FUT8: variants seen among roughly 807,000 people sequenced by gnomAD.
The protein encoded by FUT8 is fucosyltransferase 8, also known as alpha-(1,6)-fucosyltransferase.
In FUT8, 29 loss-of-function variants were observed where a neutral mutation model predicts 71.3. The ratio of observed to expected loss-of-function variants is 0.41; its 90% CI spans 0.30 to 0.55. The LOEUF is 0.55. Ranked by LOEUF, FUT8 falls within the 20% of genes least tolerant of loss-of-function variation. FUT8 has a pLI of 0.34. For synonymous variants in FUT8, 254 were observed against 239.3 expected (o/e 1.06, Z -0.57); for missense variants, 544 against 702.1 (o/e 0.77, Z 2.55).
chr14:65,480,964 A>G (rs2066321621), intron 2 of FUT8, among the ~76,000 whole-genome samples: 1 of 152,188 alleles, frequency 6.6e-6, no homozygotes, highest in Non-Finnish European at 1.5e-5. Context: ...TGCTAGAATT[A>G]TAGGCATGAC....
chr14:65,445,331 C>G (rs2065722723), intron 1 of FUT8, among the ~76,000 whole-genome samples: 1 of 152,218 alleles, frequency 6.6e-6, no homozygotes, highest in Non-Finnish European at 1.5e-5. Context: ...AAGATCCTCA[C>G]CAGATGCTGG....
At chr14:65,680,544 T>C (rs1196277180) in intron 7 of FUT8, among the ~76,000 whole-genome samples, 1 of 152,248 alleles carries the variant, frequency 6.6e-6, no homozygotes, top group Non-Finnish European at 1.5e-5. Context: ...TCAGCTGCTC[T>C]ATTTGTGTCT....
Position 65,663,005 on chromosome 14 carries a change from A to G in FUT8, c.598-6238A>G, listed in dbSNP as rs532290180. ...TGAGTCTGACTTTTAAGTAGATCCC[A>G]TATATAAAAATCTCATATTATAAAA... On this transcript the variant is annotated intron_variant, in intron 6 of 10. Coordinates refer to ENST00000673929, the MANE Select transcript of FUT8 (RefSeq NM_001371533.1). Among the ~76,000 whole-genome samples the G allele has an allele frequency of 3.9e-5, 6 of 152,264 alleles. No homozygotes were observed. In the South Asian group the frequency reaches 1.2e-3, roughly 32 times the overall value.
At chr14:65,369,546 T>C in the FUT8 span, among the ~76,000 whole-genome samples, 3 of 152,086 alleles carry the variant, frequency 2.0e-5, no homozygotes, top group Non-Finnish European at 4.4e-5. The surrounding 1 kb of genome is among the most constrained non-coding windows in gnomAD (Gnocchi z 4.6). Context: ...GATAAAAGGG[T>C]GCGGTAAGGA....
intron 2 of FUT8, among the ~76,000 whole-genome samples, chr14:65,554,838 T>G (rs1200935187): frequency 6.6e-6 from 1 of 152,200 alleles, no homozygotes; most frequent in Non-Finnish European, 1.5e-5. Flanking sequence ...GTTCATATTC[T>G]TTGTAACTTT....
At chr14:65,670,408 A>T (rs2140374851) in intron 7 of FUT8, among the ~76,000 whole-genome samples, 1 of 152,260 alleles carries the variant, frequency 6.6e-6, no homozygotes, top group Non-Finnish European at 1.5e-5. Context: ...CTTAGTACTG[A>T]TATATGAACT....
intron 1 of FUT8, among the ~76,000 whole-genome samples, chr14:65,442,772 T>A (rs897146062): frequency 9.4e-5 from 14 of 148,718 alleles, no homozygotes; most frequent in African/African-American, 3.5e-4. Context: ...GGAGGCAGAG[T>A]TTGCAGTGAG....
chr14:65,411,896 G>C (rs544822790), upstream of FUT8: 271 of 375,868 alleles, frequency 7.2e-4, no homozygotes, highest in Non-Finnish European at 1.1e-3. Flanking sequence ...GGCGCGCTCC[G>C]GTCCTCCCGC....
the FUT8 span, among the ~76,000 whole-genome samples, chr14:65,372,286 A>G: frequency 6.6e-6 from 1 of 152,186 alleles, no homozygotes; most frequent in African/African-American, 2.4e-5. Context: ...TCCTCTATGT[A>G]TCTTCCAACG....
chr14:65,678,246 A>G (rs778088100), intron 7 of FUT8, among the ~76,000 whole-genome samples: 3 of 152,206 alleles, frequency 2.0e-5, no homozygotes, highest in Non-Finnish European at 4.4e-5. Flanking sequence ...TGAAACTCAG[A>G]GCTACTTGAT....
intron 2 of FUT8, among the ~76,000 whole-genome samples, chr14:65,531,847 C>G (rs973694224): frequency 1.3e-5 from 2 of 152,126 alleles, no homozygotes; most frequent in Non-Finnish European, 2.9e-5. Flanking sequence ...ATTTAGCTCC[C>G]ACTTATAAGT....
At chr14:65,429,840 GATA>G (rs2065443032) in intron 1 of FUT8, among the ~76,000 whole-genome samples, 1 of 122,738 alleles carries the variant, frequency 8.1e-6, no homozygotes. Flanking sequence ...CTCCAGCCTG[GATA>G]GTAGAGTGAG....
the FUT8 span, among the ~76,000 whole-genome samples, chr14:65,386,145 C>A: frequency 7.0e-6 from 1 of 142,290 alleles, no homozygotes; most frequent in South Asian, 2.5e-4. Flanking sequence ...GAGTAAGACT[C>A]CATCTAAAAA....
At chr14:65,424,357 G>T (rs1264003854) in intron 1 of FUT8, among the ~76,000 whole-genome samples, 1 of 152,008 alleles carries the variant, frequency 6.6e-6, no homozygotes, top group Non-Finnish European at 1.5e-5. Context: ...TTGAGACAGG[G>T]TTTCTCTCAG....
intron 9 of FUT8, among the ~76,000 whole-genome samples, chr14:65,729,087 G>A (rs1289595573): frequency 1.5e-5 from 2 of 129,616 alleles, no homozygotes; most frequent in African/African-American, 3.0e-5. Context: ...ATGCGTTGGT[G>A]CAAGCATGGC....
chr14:65,672,907 C>T (rs1050183928), intron 7 of FUT8, among the ~76,000 whole-genome samples: 6 of 152,132 alleles, frequency 3.9e-5, no homozygotes, highest in African/African-American at 7.2e-5. Flanking sequence ...ATTCAGTTCC[C>T]CACTTCAATC....
intron 6 of FUT8, among the ~76,000 whole-genome samples, chr14:65,630,186 C>G (rs1890110841): frequency 6.6e-6 from 1 of 152,126 alleles, no homozygotes; most frequent in African/African-American, 2.4e-5. Context: ...GGCTTGGAAA[C>G]AGATTACAGA....
chr14:65,446,931 G>A (rs554394471), intron 1 of FUT8, among the ~76,000 whole-genome samples: 89 of 152,100 alleles, frequency 5.9e-4, no homozygotes, highest in Non-Finnish European at 1.1e-3. Flanking sequence ...AGCTTCCTGA[G>A]TAACTGGGAC....
At chr14:65,393,506 G>A in the FUT8 span, among the ~76,000 whole-genome samples, 1 of 152,214 alleles carries the variant, frequency 6.6e-6, no homozygotes, top group African/African-American at 2.4e-5. Flanking sequence ...GACAAAGATA[G>A]TGAGTGGGCT....
Sources: gnomAD v4.1 joint callset for allele counts (sites outside exome capture counted in the v4.1 genomes callset) on GRCh38, gnomAD v4.1.1 for gene constraint, Gnocchi (gnomAD v3.1) non-coding constraint, MANE v1.5 for transcripts, NCBI Gene and HGNC (gene_info 2026-07-23, HGNC 2026-07-21) for gene names.